The following ADAMTSL1 variants were observed in gnomAD, a reference collection of about 807,000 sequenced individuals.
ADAMTSL1 encodes ADAMTS like 1.
In ADAMTSL1, 126 loss-of-function variants were observed where a neutral mutation model predicts 201.8. The ratio of observed to expected loss-of-function variants is 0.62; its 90% CI spans 0.54 to 0.72. ADAMTSL1 has a LOEUF of 0.72. Ranked by LOEUF, ADAMTSL1 falls within the 30% of genes least tolerant of loss-of-function variation. The pLI is 0.00. For missense variants in ADAMTSL1, 2,679 were observed against 2,277.8 expected (o/e 1.18, Z -3.59); for synonymous variants, 1,121 against 903.4 (o/e 1.24, Z -4.32).
At chr9:18,467,315 A>T (rs1821045439) in intron 2 of ADAMTSL1, among the ~76,000 whole-genome samples, 4 of 152,236 alleles carry the variant, frequency 2.6e-5, no homozygotes, top group Admixed American at 2.6e-4. Context: ...TGCCAAATTA[A>T]AAAATAGAAA....
chr9:18,586,394 A>G (rs918158219), intron 4 of ADAMTSL1, among the ~76,000 whole-genome samples: 1 of 152,202 alleles, frequency 6.6e-6, no homozygotes, highest in African/African-American at 2.4e-5. Flanking sequence ...TAGAGAGGTG[A>G]GAACTTTCTA....
chr9:18,574,122 T>C lies in ADAMTSL1; in HGVS notation c.330T>C (p.Pro110=). Reference sequence around the variant, plus strand: ...ATGGCCAGTTTTATGAATGGCTTCCTGTGTCTAATGACCCTGACAACCCAT... The same window carrying C: ...ATGGCCAGTTTTATGAATGGCTTCCCGTGTCTAATGACCCTGACAACCCAT... ...KHHGQFYEWL[P]VSNDPDNPCS... The change falls in exon 4 of 29, where the codon CCT becomes CCC. Residue 110 remains proline (P), a synonymous_variant. Transcript: ENST00000380548. The C allele has an allele frequency of 6.2e-7, 1 of 1,614,168 alleles. No homozygotes were observed. The highest frequency in any genetic ancestry group is 8.5e-7 in the Non-Finnish European group (1 of 1,180,008).
At chr9:18,552,763 A>G (rs1008594573) in intron 3 of ADAMTSL1, among the ~76,000 whole-genome samples, 9 of 151,698 alleles carry the variant, frequency 5.9e-5, no homozygotes, top group African/African-American at 2.2e-4. Flanking sequence ...ATCTTTCTTC[A>G]TAAGTTAGTG....
chr9:17,951,946 A>G (rs2131375118), intron 1 of ADAMTSL1, among the ~76,000 whole-genome samples: 1 of 151,994 alleles, frequency 6.6e-6, no homozygotes. Flanking sequence ...GACCACAGGC[A>G]TGCACCATCT....
chr9:18,045,708 G>A (rs1315635512), intron 1 of ADAMTSL1, among the ~76,000 whole-genome samples: 2 of 151,656 alleles, frequency 1.3e-5, no homozygotes, highest in Non-Finnish European at 2.9e-5. Flanking sequence ...CATTTCCATG[G>A]ATCAGGCTAT....
At chr9:18,717,099 G>A (rs1020260180) in intron 14 of ADAMTSL1, among the ~76,000 whole-genome samples, 4 of 147,612 alleles carry the variant, frequency 2.7e-5, no homozygotes, top group Non-Finnish European at 6.0e-5. Context: ...GTGGGGGGAC[G>A]GGGGAGGGAT....
chr9:18,247,346 A>G (rs986245006), intron 2 of ADAMTSL1, among the ~76,000 whole-genome samples: 1 of 152,236 alleles, frequency 6.6e-6, no homozygotes, highest in African/African-American at 2.4e-5. Flanking sequence ...TATTTTGAAG[A>G]AAGAATAAAA....
At chr9:18,629,052 C>A (rs890219172) in intron 5 of ADAMTSL1, among the ~76,000 whole-genome samples, 5 of 152,042 alleles carry the variant, frequency 3.3e-5, no homozygotes, top group African/African-American at 1.2e-4. Context: ...TTTCCATGTC[C>A]AATTATATAT....
chr9:18,095,998 T>C (rs925949793), intron 1 of ADAMTSL1, among the ~76,000 whole-genome samples: 1 of 152,168 alleles, frequency 6.6e-6, no homozygotes, highest in Non-Finnish European at 1.5e-5. Flanking sequence ...GTCTGTATTG[T>C]AACTCTTTCC....
chr9:18,334,558 G>A (rs1052390468), intron 2 of ADAMTSL1, among the ~76,000 whole-genome samples: 11 of 152,102 alleles, frequency 7.2e-5, no homozygotes, highest in African/African-American at 2.4e-4. Flanking sequence ...TAATAGTGGT[G>A]CTATCCAGTC....
intron 23 of ADAMTSL1, among the ~76,000 whole-genome samples, chr9:18,881,143 TC>T (rs1281422757): frequency 2.0e-5 from 3 of 152,228 alleles, no homozygotes; most frequent in Non-Finnish European, 4.4e-5. Context: ...ACTAAAACTT[TC>T]TTCGTATCAG....
At chr9:18,763,921 T>A (rs560411783) in intron 16 of ADAMTSL1, among the ~76,000 whole-genome samples, 2 of 152,334 alleles carry the variant, frequency 1.3e-5, no homozygotes, top group South Asian at 4.1e-4. Context: ...GATAATGTGA[T>A]TCCTCCAATT....
At chr9:18,498,171 G>C (rs1338357766) in intron 1 of ADAMTSL1, among the ~76,000 whole-genome samples, 2 of 151,976 alleles carry the variant, frequency 1.3e-5, no homozygotes, top group Non-Finnish European at 1.5e-5. Context: ...GGCTTTACTA[G>C]ATATTAACTA....
Position 18,504,794 on chromosome 9 carries a change from G to A in ADAMTSL1, c.64-35G>A, listed in dbSNP as rs139254572. 9.9e-5 allele frequency: 159 copies of A among 1,614,134 alleles called. No homozygotes were observed. In the African/African-American group the frequency reaches 1.4e-3, roughly 14 times the overall value. On this transcript the variant is annotated intron_variant, in intron 1 of 28. Coordinates refer to ENST00000380548, the MANE Select transcript of ADAMTSL1 (RefSeq NM_001040272.6). ...AACACATGTTTCAGGGTTCCATGGGGGATATGATGCTGACCATTCTTTTGT... is the reference window on the plus strand; with the variant it reads ...AACACATGTTTCAGGGTTCCATGGGAGATATGATGCTGACCATTCTTTTGT...
chr9:17,953,362 A>G (rs989857221), intron 1 of ADAMTSL1, among the ~76,000 whole-genome samples: 2 of 152,188 alleles, frequency 1.3e-5, no homozygotes, highest in African/African-American at 4.8e-5. Flanking sequence ...GAAGGGAACA[A>G]CTGAGCTTGT....
intron 14 of ADAMTSL1, among the ~76,000 whole-genome samples, chr9:18,718,941 G>T (rs1435638365): frequency 6.6e-6 from 1 of 152,208 alleles, no homozygotes; most frequent in East Asian, 1.9e-4. Context: ...ACAGGTAAAT[G>T]AGTTAAAAAT....
intron 6 of ADAMTSL1, among the ~76,000 whole-genome samples, chr9:18,638,615 T>A (rs949151687): frequency 6.6e-6 from 1 of 152,124 alleles, no homozygotes; most frequent in African/African-American, 2.4e-5. Flanking sequence ...ATCAAGGTTT[T>A]TTTTCTATCT....
At chr9:18,730,231 C>G (rs1055025261) in intron 15 of ADAMTSL1, among the ~76,000 whole-genome samples, 1 of 152,102 alleles carries the variant, frequency 6.6e-6, no homozygotes, top group African/African-American at 2.4e-5. Context: ...TTCTATTGAC[C>G]TTATAGTTAG....
At chr9:18,540,526 G>A (rs1437167082) in intron 3 of ADAMTSL1, among the ~76,000 whole-genome samples, 1 of 152,128 alleles carries the variant, frequency 6.6e-6, no homozygotes, top group Admixed American at 6.5e-5. Context: ...GGGGGCCTGT[G>A]GGTCATTTTA....
Sources: gnomAD v4.1 joint callset for allele counts (sites outside exome capture counted in the v4.1 genomes callset) on GRCh38, gnomAD v4.1.1 for gene constraint, MANE v1.5 for transcripts, NCBI Gene and HGNC (gene_info 2026-07-23, HGNC 2026-07-21) for gene names.